Variants in KCTD8 observed in about 807,000 individuals in gnomAD.
KCTD8 encodes the protein potassium channel tetramerization domain containing 8.
KCTD8 carries 27 observed loss-of-function variants against 31.5 expected under a neutral mutation model. The observed-to-expected ratio is 0.86, with a 90% confidence interval of 0.63 to 1.18. The LOEUF (loss-of-function observed/expected upper bound fraction) is 1.18, where lower values mean the gene tolerates loss of function less well. Ranked by LOEUF, KCTD8 falls within the 50% of genes most tolerant of loss-of-function variation. KCTD8 has a pLI of 0.00. For synonymous variants in KCTD8, 290 were observed against 280.0 expected, an observed-to-expected ratio of 1.04 and a Z score of -0.36; for missense variants, 658 against 647.7, an observed-to-expected ratio of 1.02 and a Z score of -0.17.
intron 1 of KCTD8, among the ~76,000 whole-genome samples, chr4:44,340,050 G>C (rs1360127841): frequency 6.6e-6 from 1 of 152,024 alleles, no homozygotes; most frequent in Non-Finnish European, 1.5e-5. Context: ...TTAGTCACCA[G>C]GGAAATACAA....
intron 1 of KCTD8, among the ~76,000 whole-genome samples, chr4:44,338,130 T>C (rs1038879204): frequency 2.0e-5 from 3 of 152,114 alleles, no homozygotes; most frequent in African/African-American, 7.2e-5. Flanking sequence ...GTTGAAAATA[T>C]ACAGCAAAAT....
At chr4:44,315,680 G>C (rs960333240) in intron 1 of KCTD8, among the ~76,000 whole-genome samples, 4 of 151,790 alleles carry the variant, frequency 2.6e-5, no homozygotes, top group Non-Finnish European at 4.4e-5. Context: ...TTCTATGCCT[G>C]AAAAAGTGTA....
At chr4:44,322,646 C>A (rs182251872) in intron 1 of KCTD8, among the ~76,000 whole-genome samples, 1 of 151,720 alleles carries the variant, frequency 6.6e-6, no homozygotes, top group Admixed American at 6.6e-5. Context: ...GAGCTCTTAC[C>A]CAAAAAATCT....
intron 1 of KCTD8, among the ~76,000 whole-genome samples, chr4:44,334,821 G>A (rs1718680634): frequency 6.6e-6 from 1 of 152,036 alleles, no homozygotes; most frequent in Non-Finnish European, 1.5e-5. Context: ...ATACACTTTG[G>A]AAATTTTGAA....
At chr4:44,334,025 T>C (rs370537672) in intron 1 of KCTD8, among the ~76,000 whole-genome samples, 1 of 152,226 alleles carries the variant, frequency 6.6e-6, no homozygotes, top group African/African-American at 2.4e-5. Context: ...TACCCATTTA[T>C]AGCTAATTTA....
At chr4:44,359,025 C>G (rs1257803677) in intron 1 of KCTD8, among the ~76,000 whole-genome samples, 1 of 151,764 alleles carries the variant, frequency 6.6e-6, no homozygotes, top group Non-Finnish European at 1.5e-5. Flanking sequence ...TTGTTTTTTT[C>G]TTTTAAATTT....
At chr4:44,415,690 T>C (rs1165206601) in intron 1 of KCTD8, among the ~76,000 whole-genome samples, 2 of 152,186 alleles carry the variant, frequency 1.3e-5, no homozygotes, top group African/African-American at 4.8e-5. Flanking sequence ...GCCATATCCT[T>C]GGCAGTTTCT....
chr4:44,243,232 A>C (rs762598618), intron 1 of KCTD8, among the ~76,000 whole-genome samples: 1 of 152,236 alleles, frequency 6.6e-6, no homozygotes, highest in Non-Finnish European at 1.5e-5. Context: ...GAGATATGCT[A>C]AAACAGTAGT....
At chr4:44,322,097 C>T (rs1718310220) in intron 1 of KCTD8, among the ~76,000 whole-genome samples, 1 of 151,782 alleles carries the variant, frequency 6.6e-6, no homozygotes, top group Admixed American at 6.6e-5. Context: ...ACTGATTTCC[C>T]TTTTTTTGGT....
At chr4:44,237,145 C>A (rs1159358945) in intron 1 of KCTD8, among the ~76,000 whole-genome samples, 1 of 152,128 alleles carries the variant, frequency 6.6e-6, no homozygotes, top group African/African-American at 2.4e-5. Flanking sequence ...TGTGGTGGGA[C>A]ATTCACCACA....
chr4:44,377,035 C>T (rs1002048494), intron 1 of KCTD8, among the ~76,000 whole-genome samples: 2 of 152,176 alleles, frequency 1.3e-5, no homozygotes, highest in African/African-American at 4.8e-5. Flanking sequence ...CCACACACCA[C>T]ATGTTTAAGT....
intron 1 of KCTD8, among the ~76,000 whole-genome samples, chr4:44,425,234 T>C (rs1324436081): frequency 6.6e-6 from 1 of 152,032 alleles, no homozygotes; most frequent in African/African-American, 2.4e-5. Context: ...AACATTCTGA[T>C]TTGGGAAAGG....
intron 1 of KCTD8, among the ~76,000 whole-genome samples, chr4:44,334,698 G>A (rs1220861620): frequency 6.6e-6 from 1 of 151,680 alleles, no homozygotes; most frequent in Non-Finnish European, 1.5e-5. Context: ...GAAAAACCAA[G>A]GATATAAACT....
At position 44,190,079 on chromosome 4, in the gene KCTD8, C is replaced by T. The variant is rs183193454; in HGVS notation, c.962-14829G>A. ...TTACTGAATCAACTGTAATAACCTT[C>T]TAGAAATCCTTTCATCTCTAATCTT... On this transcript the variant is annotated intron_variant, in intron 1 of 1. Transcript: ENST00000360029. Among the ~76,000 whole-genome samples the T allele has an allele frequency of 2.0e-5, 3 of 152,252 alleles. No homozygotes were observed. The South Asian group carries it at 6.2e-4, about 32-fold the overall frequency.
intron 1 of KCTD8, among the ~76,000 whole-genome samples, chr4:44,342,766 T>G (rs1467492767): frequency 6.6e-6 from 1 of 152,222 alleles, no homozygotes; most frequent in African/African-American, 2.4e-5. Flanking sequence ...TTCTGTATAA[T>G]TTACTGCAGC....
At chr4:44,437,902 A>G (rs1721710774) in intron 1 of KCTD8, among the ~76,000 whole-genome samples, 3 of 152,224 alleles carry the variant, frequency 2.0e-5, no homozygotes, top group South Asian at 2.1e-4. Flanking sequence ...AACGAGAATC[A>G]CCATTAGAAG....
At chr4:44,312,003 C>A (rs1210706658) in intron 1 of KCTD8, among the ~76,000 whole-genome samples, 1 of 151,980 alleles carries the variant, frequency 6.6e-6, no homozygotes, top group African/African-American at 2.4e-5. Context: ...TATAGTGCCA[C>A]TTTCCACTTT....
At chr4:44,183,505 A>G (rs1015274650) in intron 1 of KCTD8, among the ~76,000 whole-genome samples, 1 of 152,168 alleles carries the variant, frequency 6.6e-6, no homozygotes, top group African/African-American at 2.4e-5. Context: ...TCAGCAAAAC[A>G]GGGCTTTTGA....
intron 1 of KCTD8, among the ~76,000 whole-genome samples, chr4:44,382,784 G>T (rs974290332): frequency 6.6e-6 from 1 of 150,844 alleles, no homozygotes; most frequent in East Asian, 2.0e-4. Context: ...CATCACTATT[G>T]TTCAATATAA....
Sources: gnomAD v4.1 joint callset for allele counts (sites outside exome capture counted in the v4.1 genomes callset) on GRCh38, gnomAD v4.1.1 for gene constraint, MANE v1.5 for transcripts, NCBI Gene and HGNC (gene_info 2026-07-23, HGNC 2026-07-21) for gene names.